RALYL: variants seen among roughly 807,000 people sequenced by gnomAD.
The protein encoded by RALYL is RALY RNA binding protein like.
A neutral mutation model predicts 35.1 loss-of-function variants in RALYL; 29 were observed. The ratio of observed to expected loss-of-function variants is 0.83; its 90% CI spans 0.61 to 1.13. RALYL has a LOEUF of 1.13. Among genes scored for constraint, RALYL ranks in the 50% most tolerant of loss-of-function variants. The pLI is 0.00. For missense variants in RALYL, 359 were observed against 360.4 expected, an observed-to-expected ratio of 1.00 and a Z score of 0.03; for synonymous variants, 120 against 127.6, an observed-to-expected ratio of 0.94 and a Z score of 0.40.
intron 1 of RALYL, among the ~76,000 whole-genome samples, chr8:84,428,116 A>T (rs1050994290): frequency 7.7e-4 from 116 of 150,476 alleles, no homozygotes; most frequent in African/African-American, 2.8e-3. Context: ...TCACACACAC[A>T]CACACACACA....
At chr8:84,653,138 G>A (rs548321083) in intron 2 of RALYL, among the ~76,000 whole-genome samples, 1 of 152,106 alleles carries the variant, frequency 6.6e-6, no homozygotes, top group South Asian at 2.1e-4. Flanking sequence ...TATGCATGCT[G>A]TACACATGCT....
rs183999715 is a variant in RALYL, at chr8:84,432,846, G to A, written c.-23-96453G>A. On this transcript the variant is annotated intron_variant, in intron 1 of 8. Coordinates refer to ENST00000521268, the MANE Select transcript of RALYL (RefSeq NM_173848.7). ...AAAAGGCAAGAAAGGTTCCTACCCA[G>A]AGTCTCACAGGGAGCATGGCCCTAC... Among the ~76,000 whole-genome samples the A allele has an allele frequency of 9.3e-4, 142 of 152,178 alleles. 4 individuals carry two copies. The South Asian group carries it at 0.019, about 20-fold the overall frequency.
chr8:84,312,900 G>C (rs1004205391), intron 1 of RALYL, among the ~76,000 whole-genome samples: 2 of 152,248 alleles, frequency 1.3e-5, no homozygotes, highest in African/African-American at 2.4e-5. Context: ...TGGGGATCCT[G>C]TGTGGGGACT....
rs1822797632 is a variant in RALYL, at chr8:84,223,152, C to CCTTTT, written c.-24+38732_-24+38733insTCTTT. 8.3e-5 allele frequency among the ~76,000 whole-genome samples: 11 copies of CCTTTT among 132,552 alleles called. No homozygotes were observed. In the South Asian group the frequency reaches 2.7e-3, roughly 32 times the overall value. 87.0% of individuals were successfully genotyped at this position (132,552 alleles called of 152,430 possible). A position where few individuals can be genotyped will look rare whatever the true frequency, so the allele number is the denominator to read the frequency against. ...CCTTTCCTTTCCTTTCCTTTCCTTT[C>CCTTTT]CTTTCTTTCCTTCCTCCCTTCCCTT... On this transcript the variant is annotated intron_variant, in intron 1 of 8. Transcript: ENST00000521268.
chr8:84,818,578 T>C (rs982937125), intron 4 of RALYL, among the ~76,000 whole-genome samples: 2 of 152,140 alleles, frequency 1.3e-5, no homozygotes, highest in African/African-American at 2.4e-5. Context: ...AGACAAAAGA[T>C]AAGATTGGCA....
intron 4 of RALYL, among the ~76,000 whole-genome samples, chr8:84,819,826 C>T (rs113785156): frequency 1.2e-3 from 189 of 152,266 alleles, no homozygotes; most frequent in African/African-American, 4.4e-3. Context: ...TGGTGCAGTA[C>T]TTTATAGTTG....
At chr8:84,843,284 T>C (rs958303238) in intron 4 of RALYL, among the ~76,000 whole-genome samples, 2 of 151,996 alleles carry the variant, frequency 1.3e-5, no homozygotes, top group Non-Finnish European at 2.9e-5. Flanking sequence ...GGATACAAAA[T>C]CAATGTACAA....
intron 4 of RALYL, among the ~76,000 whole-genome samples, chr8:84,837,070 C>T (rs564359628): frequency 1.3e-5 from 2 of 152,252 alleles, no homozygotes; most frequent in South Asian, 4.2e-4. Context: ...TTTCATGAAG[C>T]CGTGTTTGAT....
intron 1 of RALYL, among the ~76,000 whole-genome samples, chr8:84,492,373 C>T (rs1435614718): frequency 6.6e-6 from 1 of 152,038 alleles, no homozygotes; most frequent in Non-Finnish European, 1.5e-5. Flanking sequence ...GATTACAAAA[C>T]ATTTTTTGCA....
At chr8:84,336,888 T>TAGG (rs1847904140) in intron 1 of RALYL, among the ~76,000 whole-genome samples, 1 of 151,858 alleles carries the variant, frequency 6.6e-6, no homozygotes, top group Admixed American at 6.6e-5. Flanking sequence ...TAGTTGAGCC[T>TAGG]AGGAGAGCAG....
chr8:84,205,739 A>G (rs964129838), intron 1 of RALYL, among the ~76,000 whole-genome samples: 11 of 152,236 alleles, frequency 7.2e-5, no homozygotes, highest in Non-Finnish European at 1.5e-4. Context: ...AAGTAGCATC[A>G]TAAATTCCCA....
chr8:84,806,495 C>A (rs1824625444), intron 4 of RALYL, among the ~76,000 whole-genome samples: 1 of 151,454 alleles, frequency 6.6e-6, no homozygotes, highest in Non-Finnish European at 1.5e-5. Flanking sequence ...AAAGGCAGAC[C>A]CTAAGTAATC....
rs1834886851 is a variant in RALYL at position 84,679,370 on chromosome 8, A to G, written c.257-95209A>G. The G allele has an allele frequency of 1.5e-5, 4 of 271,276 alleles. No individual in the cohort carries two copies. In the South Asian group the frequency reaches 1.8e-4, roughly 12 times the overall value. The allele number at this position is 271,276 out of a possible 1,614,324, so 16.8% of individuals were successfully genotyped here. ...CATTGTAAGTAGTTGAAACCCCACT[A>G]CTTCATCCAGAGAGATTTGTTAACC... is the stretch of plus-strand genomic sequence containing the variant. On this transcript the variant is annotated intron_variant, in intron 2 of 8. Coordinates refer to ENST00000521268, the MANE Select transcript of RALYL (RefSeq NM_173848.7).
intron 3 of RALYL, among the ~76,000 whole-genome samples, chr8:84,803,860 T>C (rs1823945390): frequency 6.6e-6 from 1 of 152,226 alleles, no homozygotes; most frequent in African/African-American, 2.4e-5. Context: ...GATAGTCATT[T>C]CAACTGTCTT....
chr8:84,859,428 C>T (rs143945371), intron 5 of RALYL, among the ~76,000 whole-genome samples: 48 of 152,262 alleles, frequency 3.2e-4, no homozygotes, highest in African/African-American at 1.0e-3. Flanking sequence ...ACCCTATTCT[C>T]CTGCCTCACG....
intron 2 of RALYL, among the ~76,000 whole-genome samples, chr8:84,728,710 A>G (rs572288255): frequency 6.6e-6 from 1 of 152,218 alleles, no homozygotes; most frequent in Admixed American, 6.6e-5. Flanking sequence ...CAGTTTTCCC[A>G]GCACCATTTA....
intron 1 of RALYL, among the ~76,000 whole-genome samples, chr8:84,416,505 T>A (rs1021933930): frequency 1.3e-5 from 2 of 152,208 alleles, no homozygotes; most frequent in Non-Finnish European, 2.9e-5. Context: ...GTGTTGGCAC[T>A]TTCAAGGAAC....
At chr8:84,427,967 A>G (rs192136160) in intron 1 of RALYL, among the ~76,000 whole-genome samples, 7 of 152,280 alleles carry the variant, frequency 4.6e-5, no homozygotes, top group Non-Finnish European at 7.4e-5. Flanking sequence ...CAATGAATCT[A>G]TCTTCAAATC....
At chr8:84,254,275 A>G (rs1830793131) in intron 1 of RALYL, among the ~76,000 whole-genome samples, 1 of 152,148 alleles carries the variant, frequency 6.6e-6, no homozygotes, top group East Asian at 1.9e-4. Context: ...CTTTAAAGAT[A>G]TAAGATTAAA....
Sources: gnomAD v4.1 joint callset for allele counts (sites outside exome capture counted in the v4.1 genomes callset) on GRCh38, gnomAD v4.1.1 for gene constraint, MANE v1.5 for transcripts, NCBI Gene and HGNC (gene_info 2026-07-23, HGNC 2026-07-21) for gene names.